The following FAM90A20 variants were observed in gnomAD, a reference collection of about 807,000 sequenced individuals.
The protein encoded by FAM90A20 is family with sequence similarity 90 member A20.
the FAM90A20 span, chr8:7,297,608 G>T: frequency 1.0e-5 from 15 of 1,454,568 alleles, 2 homozygotes; most frequent in East Asian, 1.1e-4. Flanking sequence ...TGAGCTGGGG[G>T]CCCCGGAGAA....
chr8:7,297,382 C>A, the FAM90A20 span: 14 of 1,505,590 alleles, frequency 9.3e-6, no homozygotes, highest in South Asian at 9.0e-5. Flanking sequence ...ACGGCCTGCT[C>A]CAGGCCGTCA....
chr8:7,295,861 T>C, the FAM90A20 span: 1 of 685,756 alleles, frequency 1.5e-6, no homozygotes, highest in Non-Finnish European at 2.5e-6. Context: ...TCACCACTCT[T>C]AGGGTACTGC....
chr8:7,297,108 G>T, the FAM90A20 span: 723 of 1,504,610 alleles, frequency 4.8e-4, 75 homozygotes, highest in Non-Finnish European at 5.6e-4. Context: ...AAGAGGCCGC[G>T]CATGGACCCT....
the FAM90A20 span, chr8:7,296,443 C>G: frequency 1.5e-5 from 11 of 712,604 alleles, no homozygotes; most frequent in East Asian, 1.3e-4. Flanking sequence ...TCTAGGTAAC[C>G]CTGGTTGATT....
the FAM90A20 span, chr8:7,296,496 T>C: frequency 1.5e-6 from 1 of 650,248 alleles, no homozygotes; most frequent in Admixed American, 2.1e-5. Flanking sequence ...GGGGAACCCC[T>C]CTTTCTTGTC....
chr8:7,296,280 G>C, the FAM90A20 span: 4 of 724,736 alleles, frequency 5.5e-6, no homozygotes, highest in South Asian at 4.2e-5. Flanking sequence ...ACCTTTTTCT[G>C]TTCTGCAGGC....
At chr8:7,296,612 C>G in the FAM90A20 span, among the ~76,000 whole-genome samples, 1 of 135,454 alleles carries the variant, frequency 7.4e-6, no homozygotes, top group Non-Finnish European at 1.5e-5. Context: ...CCAATTATGG[C>G]AAGCCTGCCA....
chr8:7,297,243 G>T, the FAM90A20 span: 6 of 1,486,696 alleles, frequency 4.0e-6, no homozygotes, highest in East Asian at 4.5e-5. Flanking sequence ...AGACAGACAG[G>T]GGCTGCCGCC....
chr8:7,297,259 C>A, the FAM90A20 span: 2 of 1,432,742 alleles, frequency 1.4e-6, no homozygotes, highest in Middle Eastern at 2.4e-4. Flanking sequence ...CCGCCGACAT[C>A]CCTCGGCCTG....
chr8:7,297,865 C>T, the FAM90A20 span: 2 of 801,020 alleles, frequency 2.5e-6, no homozygotes, highest in Non-Finnish European at 4.0e-6. Flanking sequence ...TGGCGGCCCC[C>T]TCATTTCACT....
At chr8:7,296,483 A>G in the FAM90A20 span, 5 of 666,414 alleles carry the variant, frequency 7.5e-6, 1 homozygote, top group South Asian at 5.9e-5. Flanking sequence ...GCGGGAGGAA[A>G]TCGGGGAACC....
At chr8:7,297,838 C>G in the FAM90A20 span, 2 of 984,400 alleles carry the variant, frequency 2.0e-6, no homozygotes, top group South Asian at 1.3e-5. Flanking sequence ...AAAACGGACG[C>G]TGGAGCTCCA....
At chr8:7,297,375 G>A in the FAM90A20 span, 23 of 1,496,160 alleles carry the variant, frequency 1.5e-5, 5 homozygotes, top group African/African-American at 1.4e-4. Flanking sequence ...AAAACCCACG[G>A]CCTGCTCCAG....
chr8:7,297,537 A>C, the FAM90A20 span: 1 of 1,524,610 alleles, frequency 6.6e-7, no homozygotes, highest in Non-Finnish European at 8.8e-7. Context: ...GCTTGCCTGA[A>C]CTTCCCCAAG....
chr8:7,296,974 T>G, the FAM90A20 span: 3 of 1,150,784 alleles, frequency 2.6e-6, no homozygotes, highest in African/African-American at 2.3e-5. Flanking sequence ...AATTTCATGG[T>G]GTGTGCACCT....
the FAM90A20 span, chr8:7,297,589 C>T: frequency 4.5e-5 from 68 of 1,500,124 alleles, 4 homozygotes; most frequent in Admixed American, 7.2e-4. Flanking sequence ...AAAGCACCAT[C>T]CAGGGAGGTG....
the FAM90A20 span, chr8:7,297,394 A>C: frequency 1.4e-4 from 207 of 1,528,972 alleles, 23 homozygotes; most frequent in Non-Finnish European, 1.6e-4. Flanking sequence ...AGGCCGTCAG[A>C]ACCCAGGCAC....
the FAM90A20 span, chr8:7,297,767 C>T: frequency 6.8e-7 from 1 of 1,469,308 alleles, no homozygotes; most frequent in Non-Finnish European, 9.2e-7. Context: ...CACCATGTCC[C>T]ATCACCCAGC....
the FAM90A20 span, chr8:7,297,248 G>A: frequency 6.8e-7 from 1 of 1,467,612 alleles, no homozygotes; most frequent in Non-Finnish European, 9.3e-7. Flanking sequence ...GACAGGGGCT[G>A]CCGCCGACAT....
Sources: allele counts gnomAD v4.1 joint callset (sites outside exome capture counted in the v4.1 genomes callset), GRCh38; gene constraint gnomAD v4.1.1; transcripts MANE v1.5; gene names NCBI Gene and HGNC (gene_info 2026-07-23, HGNC 2026-07-21).